Variants in KIAA1217 observed in about 807,000 individuals in gnomAD.
KIAA1217 encodes KIAA1217, also known as sickle tail protein homolog.
In KIAA1217, 88 loss-of-function variants were observed where a neutral mutation model predicts 163.9. The ratio of observed to expected loss-of-function variants is 0.54; its 90% CI spans 0.45 to 0.64. KIAA1217 has a LOEUF of 0.64. KIAA1217 is among the 30% of genes least tolerant of loss of function. The probability of loss-of-function intolerance (pLI) is 0.00; values close to 1 mark genes in which losing one functional copy is unlikely to be tolerated. For synonymous variants in KIAA1217, 903 were observed against 923.1 expected (o/e 0.98, Z 0.39); for missense variants, 2,372 against 2,475.0 (o/e 0.96, Z 0.88).
Position 24,543,932 on chromosome 10 carries a change from G to T in KIAA1217, c.4662G>T (p.Ser1554=). Residue 1554 remains serine (S), a synonymous_variant, in exon 19 of 21, where the codon TCG becomes TCT. Transcript: ENST00000376454. ...TCAGCCACGTGGATTCTCCAAATTC[G>T]GAATGCAAGGGTGAGGACGCGACCG... The part of the protein sequence containing the change: ...NKFSHVDSPN[S]ECKGEDATDD... 6.2e-7 allele frequency: 1 copy of T among 1,613,980 alleles called. No individual in the cohort carries two copies. The highest frequency in any genetic ancestry group is 8.5e-7 in the Non-Finnish European group (1 of 1,180,002).
At chr10:24,343,585 C>T (rs2047365682) in intron 2 of KIAA1217, among the ~76,000 whole-genome samples, 1 of 152,176 alleles carries the variant, frequency 6.6e-6, no homozygotes, top group Non-Finnish European at 1.5e-5. Flanking sequence ...TTAAAATTTT[C>T]ATGCAATCAA....
chr10:23,732,024 G>A (rs891348031), intron 1 of KIAA1217, among the ~76,000 whole-genome samples: 2 of 151,916 alleles, frequency 1.3e-5, no homozygotes, highest in African/African-American at 4.8e-5. Context: ...TTACATATAT[G>A]TTTATTCATA....
intron 2 of KIAA1217, among the ~76,000 whole-genome samples, chr10:24,152,878 A>T (rs2064686167): frequency 6.6e-6 from 1 of 152,238 alleles, no homozygotes; most frequent in African/African-American, 2.4e-5. Context: ...GCTTGCTTTA[A>T]TCAGGAATAC....
intron 2 of KIAA1217, among the ~76,000 whole-genome samples, chr10:24,069,901 G>T (rs191006970): frequency 5.0e-4 from 76 of 152,064 alleles, no homozygotes; most frequent in Admixed American, 5.0e-3. Flanking sequence ...GTGCAGTGGT[G>T]CAATCATAGC....
intron 12 of KIAA1217, among the ~76,000 whole-genome samples, chr10:24,522,557 G>C (rs1420533194): frequency 5.9e-5 from 9 of 152,198 alleles, no homozygotes; most frequent in Admixed American, 2.0e-4. Flanking sequence ...CCTGGGCCAG[G>C]CTTCCTTACC....
At chr10:24,371,644 A>G (rs958705163) in intron 2 of KIAA1217, among the ~76,000 whole-genome samples, 4 of 152,130 alleles carry the variant, frequency 2.6e-5, no homozygotes, top group Non-Finnish European at 5.9e-5. Flanking sequence ...TTCCCTTCCC[A>G]TGTTTTCCCC....
intron 1 of KIAA1217, among the ~76,000 whole-genome samples, chr10:23,999,723 G>A (rs147092031): frequency 3.9e-5 from 6 of 152,272 alleles, no homozygotes; most frequent in African/African-American, 1.2e-4. Flanking sequence ...AAGGGGAAAT[G>A]TATTAGAACA....
At chr10:24,513,845 A>G (rs2069608534) in intron 10 of KIAA1217, among the ~76,000 whole-genome samples, 1 of 152,084 alleles carries the variant, frequency 6.6e-6, no homozygotes, top group Admixed American at 6.6e-5. Context: ...GGGCTCAGCA[A>G]CACACAAAAT....
chr10:23,812,074 G>A (rs1212015699), intron 1 of KIAA1217, among the ~76,000 whole-genome samples: 1 of 152,036 alleles, frequency 6.6e-6, no homozygotes, highest in Non-Finnish European at 1.5e-5. Flanking sequence ...GACAAAGTAA[G>A]ACCCTGTCTC....
intron 2 of KIAA1217, among the ~76,000 whole-genome samples, chr10:24,021,823 A>G (rs1847745241): frequency 6.6e-6 from 1 of 151,816 alleles, no homozygotes; most frequent in Non-Finnish European, 1.5e-5. Context: ...CTGATCTCTG[A>G]CAAAGGAACA....
At chr10:24,420,039 C>G (rs2058604368) in intron 3 of KIAA1217, among the ~76,000 whole-genome samples, 1 of 151,900 alleles carries the variant, frequency 6.6e-6, no homozygotes, top group Admixed American at 6.6e-5. Flanking sequence ...CTCCATGGAA[C>G]AAGTGTCCAC....
At chr10:24,527,857 C>T in intron 13 of KIAA1217, 79 bp from the exon 14 acceptor site, 1 of 1,106,198 alleles carries the variant, frequency 9.0e-7, no homozygotes. Context: ...TCCCACCCTC[C>T]ACCCTCTGAG....
intron 1 of KIAA1217, among the ~76,000 whole-genome samples, chr10:23,815,145 AG>A (rs1405549273): frequency 6.6e-6 from 1 of 152,214 alleles, no homozygotes; most frequent in Non-Finnish European, 1.5e-5. Flanking sequence ...TTGTGATAAC[AG>A]CACAAAAAAT....
intron 1 of KIAA1217, among the ~76,000 whole-genome samples, chr10:23,730,858 C>G (rs1259088109): frequency 1.3e-5 from 2 of 152,148 alleles, no homozygotes; most frequent in Non-Finnish European, 2.9e-5. Flanking sequence ...TGAAACCTTG[C>G]TATAATTGCT....
intron 2 of KIAA1217, among the ~76,000 whole-genome samples, chr10:24,020,591 A>G (rs1847690865): frequency 1.3e-5 from 2 of 152,036 alleles, no homozygotes; most frequent in Non-Finnish European, 2.9e-5. Context: ...AAAATGCTCA[A>G]AGTTTTAACA....
At chr10:24,216,244 G>T (rs1039100262) in intron 1 of KIAA1217, among the ~76,000 whole-genome samples, 4 of 152,082 alleles carry the variant, frequency 2.6e-5, no homozygotes, top group African/African-American at 4.8e-5. Flanking sequence ...AGGGTTTATT[G>T]TCCCGGCTGT....
At chr10:24,241,572 G>A (rs1361655108) in intron 2 of KIAA1217, among the ~76,000 whole-genome samples, 1 of 152,094 alleles carries the variant, frequency 6.6e-6, no homozygotes, top group Non-Finnish European at 1.5e-5. Context: ...TTCGGAGTGA[G>A]AACCCAAGTC....
intron 2 of KIAA1217, among the ~76,000 whole-genome samples, chr10:24,296,645 C>A (rs890647037): frequency 1.3e-5 from 2 of 152,158 alleles, no homozygotes; most frequent in African/African-American, 4.8e-5. Flanking sequence ...TTTCCTATGA[C>A]CATTTTGAGT....
intron 2 of KIAA1217, among the ~76,000 whole-genome samples, chr10:24,265,083 C>T (rs751956559): frequency 6.6e-6 from 1 of 152,082 alleles, no homozygotes; most frequent in African/African-American, 2.4e-5. Context: ...AGGCTGGTCT[C>T]GAACTCCTGG....
Sources: allele counts gnomAD v4.1 joint callset (sites outside exome capture counted in the v4.1 genomes callset), GRCh38; gene constraint gnomAD v4.1.1; transcripts MANE v1.5; gene names NCBI Gene and HGNC (gene_info 2026-07-23, HGNC 2026-07-21).